STK32C: variants seen among roughly 807,000 people sequenced by gnomAD.
STK32C encodes the protein serine/threonine kinase 32C.
Under a neutral mutation model 56.5 loss-of-function variants are expected in STK32C, and 31 were observed. The observed-to-expected ratio is 0.55, with a 90% CI of 0.41 to 0.74. STK32C has a LOEUF of 0.74. Ranked by LOEUF, STK32C falls within the 30% of genes least tolerant of loss-of-function variation. The probability of loss-of-function intolerance (pLI) is 0.00; values close to 1 mark genes in which losing one functional copy is unlikely to be tolerated. For synonymous variants in STK32C, 309 were observed against 289.4 expected, an observed-to-expected ratio of 1.07 and a Z score of -0.69; for missense variants, 544 against 676.9, an observed-to-expected ratio of 0.80 and a Z score of 2.18.
chr10:132,253,400 G>GC (rs2063977359), intron 1 of STK32C, among the ~76,000 whole-genome samples: 2 of 145,118 alleles, frequency 1.4e-5, no homozygotes, highest in African/African-American at 5.5e-5. Flanking sequence ...GCTGGAGGGA[G>GC]TCGAGGGAGC....
intron 10 of STK32C, among the ~76,000 whole-genome samples, chr10:132,209,977 C>G (rs2062239094): frequency 6.6e-6 from 1 of 152,180 alleles, no homozygotes; most frequent in Non-Finnish European, 1.5e-5. Flanking sequence ...AGGGAGGGAG[C>G]TGGGCTCTGA....
At chr10:132,217,801 C>T (rs138490999) in intron 10 of STK32C, among the ~76,000 whole-genome samples, 1,811 of 152,274 alleles carry the variant, frequency 0.012, 45 homozygotes, top group African/African-American at 0.041. Flanking sequence ...CTTTCTCCTC[C>T]TTGCCTTCCA....
intron 10 of STK32C, among the ~76,000 whole-genome samples, chr10:132,211,886 C>T (rs1426618368): frequency 6.6e-6 from 1 of 152,160 alleles, no homozygotes; most frequent in Non-Finnish European, 1.5e-5. Flanking sequence ...TGGCATCTCC[C>T]ATCCCGAGAA....
intron 3 of STK32C, 143 bp from the exon 4 acceptor site, chr10:132,227,111 C>T (rs2062918037): frequency 2.1e-6 from 2 of 956,664 alleles, no homozygotes; most frequent in Non-Finnish European, 3.1e-6. Flanking sequence ...GGGGCCTGCC[C>T]AAGGCACTGA....
downstream of STK32C, among the ~76,000 whole-genome samples, chr10:132,319,208 C>T (rs1321402330): frequency 6.6e-6 from 1 of 152,220 alleles, no homozygotes; most frequent in Non-Finnish European, 1.5e-5. Flanking sequence ...CTCGGCCTCC[C>T]AAAGTGCTGG....
At chr10:132,292,399 C>G (rs1289739648) in intron 1 of STK32C, among the ~76,000 whole-genome samples, 5 of 152,214 alleles carry the variant, frequency 3.3e-5, no homozygotes, top group Non-Finnish European at 5.9e-5. Context: ...TACCCACACT[C>G]TCTCACCCAG....
intron 1 of STK32C, among the ~76,000 whole-genome samples, chr10:132,315,000 G>A (rs2066286885): frequency 1.3e-5 from 2 of 152,148 alleles, no homozygotes; most frequent in African/African-American, 4.8e-5. Flanking sequence ...CAGGCGTGGT[G>A]GCGCATGTCT....
chr10:132,288,700 T>C lies in STK32C; in HGVS notation c.262+18872A>G, dbSNP rs150960436. Among the ~76,000 whole-genome samples, 125 of 152,296 alleles carry C rather than the reference T, an allele frequency of 8.2e-4. 1 individual carries two copies. The Middle Eastern group carries it at 0.01, about 12-fold the overall frequency. ...AAATTTTTAAATACAACTAAAATAATGCCAGTTACAGTAGCATAAAACAAA... is the reference window on the plus strand; with the variant it reads ...AAATTTTTAAATACAACTAAAATAACGCCAGTTACAGTAGCATAAAACAAA... On this transcript the variant is annotated intron_variant, in intron 1 of 11. Coordinates refer to ENST00000298630, the MANE Select transcript of STK32C (RefSeq NM_173575.4).
At chr10:132,287,991 T>A (rs1425158793) in intron 1 of STK32C, among the ~76,000 whole-genome samples, 1 of 151,766 alleles carries the variant, frequency 6.6e-6, no homozygotes, top group East Asian at 1.9e-4. Context: ...TGAACTGGGG[T>A]AAAGACGGCC....
chr10:132,326,529 G>A (rs920137295), intron 1 of STK32C, among the ~76,000 whole-genome samples: 3 of 152,166 alleles, frequency 2.0e-5, no homozygotes, highest in Non-Finnish European at 4.4e-5. Context: ...TCCCCATGTT[G>A]GCCAGCTAGT....
At chr10:132,233,395 T>A (rs1339612922) in intron 2 of STK32C, among the ~76,000 whole-genome samples, 1 of 152,228 alleles carries the variant, frequency 6.6e-6, no homozygotes, top group Non-Finnish European at 1.5e-5. Context: ...AGGCCACTTG[T>A]CCCAGGTCCC....
chr10:132,257,362 G>T (rs567282504), intron 1 of STK32C, among the ~76,000 whole-genome samples: 1 of 136,864 alleles, frequency 7.3e-6, no homozygotes, highest in South Asian at 2.4e-4. Flanking sequence ...AGAGGGAGAC[G>T]GAGGGGCTCC....
intron 1 of STK32C, among the ~76,000 whole-genome samples, chr10:132,273,606 A>C (rs1022584801): frequency 1.3e-5 from 2 of 152,210 alleles, no homozygotes; most frequent in Admixed American, 1.3e-4. Flanking sequence ...GAATGAGTGA[A>C]GGAGTTACTG....
At chr10:132,225,396 A>G (rs1452699618) in intron 6 of STK32C, 60 bp from the exon 7 acceptor site, 1 of 1,584,830 alleles carries the variant, frequency 6.3e-7, no homozygotes, top group Non-Finnish European at 8.6e-7. Context: ...ACCCGTGGGC[A>G]CAGGGCCGGC....
chr10:132,262,040 A>T (rs926431422), intron 1 of STK32C, among the ~76,000 whole-genome samples: 2 of 152,210 alleles, frequency 1.3e-5, no homozygotes, highest in Non-Finnish European at 2.9e-5. Flanking sequence ...TGGACTTCAA[A>T]CTCTACTACA....
At chr10:132,272,171 T>G (rs1303412438) in intron 1 of STK32C, among the ~76,000 whole-genome samples, 1 of 152,154 alleles carries the variant, frequency 6.6e-6, no homozygotes, top group Non-Finnish European at 1.5e-5. Flanking sequence ...AAGAGTTGGT[T>G]AAGGTGAAGC....
At chr10:132,222,472 C>T (rs1024419578) in intron 10 of STK32C, among the ~76,000 whole-genome samples, 169 bp downstream of exon 10, 1 of 152,178 alleles carries the variant, frequency 6.6e-6, no homozygotes, top group East Asian at 1.9e-4. Flanking sequence ...GAGGTGGGGG[C>T]TGGGAAAGGC....
intron 1 of STK32C, among the ~76,000 whole-genome samples, chr10:132,249,287 T>C (rs907298050): frequency 9.0e-4 from 137 of 152,212 alleles, no homozygotes; most frequent in African/African-American, 3.0e-3. Flanking sequence ...GCAGTGCCTG[T>C]GATTTGAACA....
intron 1 of STK32C, among the ~76,000 whole-genome samples, chr10:132,287,927 A>AC (rs2065456629): frequency 6.6e-6 from 1 of 152,208 alleles, no homozygotes; most frequent in African/African-American, 2.4e-5. Flanking sequence ...TTGAGAAAGA[A>AC]CAAAACTGGG....
Sources: gnomAD v4.1 joint callset for allele counts (sites outside exome capture counted in the v4.1 genomes callset) on GRCh38, gnomAD v4.1.1 for gene constraint, MANE v1.5 for transcripts, NCBI Gene and HGNC (gene_info 2026-07-23, HGNC 2026-07-21) for gene names.